Variants in BMPR1B observed in about 807,000 individuals in gnomAD.
The protein encoded by BMPR1B is bone morphogenetic protein receptor type-1B.
A neutral mutation model predicts 59.1 loss-of-function variants in BMPR1B; 12 were observed. The observed-to-expected ratio is 0.20, with a 90% CI of 0.13 to 0.33. The LOEUF is 0.33. Among genes scored for constraint, BMPR1B ranks in the 10% least tolerant of loss-of-function variants. The pLI is 1.00. For missense variants in BMPR1B, 550 were observed against 610.9 expected (o/e 0.90, Z 1.05); for synonymous variants, 237 against 207.3 (o/e 1.14, Z -1.23).
At chr4:94,915,293 C>T (rs1205526896) in intron 2 of BMPR1B, among the ~76,000 whole-genome samples, 6 of 151,994 alleles carry the variant, frequency 3.9e-5, no homozygotes, top group Non-Finnish European at 5.9e-5. Flanking sequence ...TAACTAAAAC[C>T]ACAACCTGGA....
At chr4:94,840,848 G>A (rs1324540030) in intron 1 of BMPR1B, among the ~76,000 whole-genome samples, 4 of 148,378 alleles carry the variant, frequency 2.7e-5, no homozygotes, top group African/African-American at 9.9e-5. Flanking sequence ...TCTGCTTTTT[G>A]GAGTTTCCAG....
intron 3 of BMPR1B, among the ~76,000 whole-genome samples, chr4:95,021,167 T>C (rs1723954483): frequency 6.6e-6 from 1 of 152,204 alleles, no homozygotes; most frequent in East Asian, 1.9e-4. Flanking sequence ...TTTCCCTAGG[T>C]CTAAAATATA....
intron 3 of BMPR1B, among the ~76,000 whole-genome samples, chr4:95,068,979 A>T (rs1728068387): frequency 6.6e-6 from 1 of 152,188 alleles, no homozygotes; most frequent in Non-Finnish European, 1.5e-5. Context: ...ATGGAAATAT[A>T]TTGTCTCACT....
intron 1 of BMPR1B, among the ~76,000 whole-genome samples, chr4:94,822,834 C>CA (rs1724254247): frequency 6.6e-6 from 1 of 152,128 alleles, no homozygotes; most frequent in African/African-American, 2.4e-5. Flanking sequence ...TCTGCCAAGC[C>CA]AATGGGAAGG....
chr4:95,105,676 C>T (rs1028131245), intron 4 of BMPR1B, among the ~76,000 whole-genome samples: 2 of 152,042 alleles, frequency 1.3e-5, no homozygotes, highest in Admixed American at 6.6e-5. Flanking sequence ...CTTATTCTCA[C>T]CTTTAGACAA....
At chr4:94,867,946 G>C (rs2148964337) in intron 1 of BMPR1B, among the ~76,000 whole-genome samples, 1 of 151,890 alleles carries the variant, frequency 6.6e-6, no homozygotes, top group African/African-American at 2.4e-5. Flanking sequence ...CTGGGCCCCA[G>C]GTGATTCTCC....
chr4:94,822,422 A>G (rs536553210), intron 1 of BMPR1B, among the ~76,000 whole-genome samples: 19 of 152,330 alleles, frequency 1.2e-4, no homozygotes, highest in Middle Eastern at 3.4e-3. Flanking sequence ...CACATTGGAC[A>G]TATTTCGTGA....
chr4:94,983,204 C>A (rs977020203), intron 2 of BMPR1B, among the ~76,000 whole-genome samples: 2 of 152,064 alleles, frequency 1.3e-5, no homozygotes, highest in East Asian at 3.9e-4. Context: ...TTTGTTTTCC[C>A]AAATATTATC....
chr4:95,128,669 T>C (rs1212549662), intron 8 of BMPR1B, among the ~76,000 whole-genome samples: 1 of 152,216 alleles, frequency 6.6e-6, no homozygotes, highest in African/African-American at 2.4e-5. Context: ...CTTATTAACT[T>C]TTCTCTCTAA....
chr4:95,001,493 C>T (rs1007172217), intron 3 of BMPR1B, among the ~76,000 whole-genome samples: 1 of 152,066 alleles, frequency 6.6e-6, no homozygotes, highest in Non-Finnish European at 1.5e-5. Flanking sequence ...CACATTCTGC[C>T]ACACAAACAT....
At chr4:95,017,960 G>C (rs754174249) in intron 3 of BMPR1B, among the ~76,000 whole-genome samples, 1 of 152,070 alleles carries the variant, frequency 6.6e-6, no homozygotes, top group African/African-American at 2.4e-5. Flanking sequence ...GGTTTCTGTG[G>C]GCAAAATTCC....
intron 1 of BMPR1B, among the ~76,000 whole-genome samples, chr4:94,810,351 A>G (rs553753034): frequency 1.3e-5 from 2 of 152,336 alleles, no homozygotes; most frequent in African/African-American, 2.4e-5. Context: ...TTACAACACT[A>G]TAAATATGTA....
chr4:94,877,481 C>T (rs1031728032), intron 2 of BMPR1B, among the ~76,000 whole-genome samples: 24 of 152,284 alleles, frequency 1.6e-4, no homozygotes, highest in African/African-American at 5.8e-4. Flanking sequence ...TGAAGTAAAT[C>T]GGAAAGCAGA....
chr4:95,026,805 A>C (rs1327717072), intron 3 of BMPR1B, among the ~76,000 whole-genome samples: 2 of 149,172 alleles, frequency 1.3e-5, no homozygotes, highest in African/African-American at 5.0e-5. Context: ...ACTCTTATCC[A>C]GGATGGAGTG....
Position 94,777,766 on chromosome 4 carries a change from C to T in BMPR1B, c.-183+19698C>T, listed in dbSNP as rs145745087. On this transcript the variant is annotated intron_variant, in intron 1 of 12. Transcript: ENST00000515059. ...TTTGGCCGGGCGTGGTGTCTCACGT[C>T]TGTAATCCCAGCACTTTGGGAGGCT... Among the ~76,000 whole-genome samples, 15 of 152,196 alleles carry T rather than the reference C, an allele frequency of 9.9e-5. No individual in the cohort carries two copies. In the East Asian group the frequency reaches 2.7e-3, roughly 27 times the overall value.
intron 10 of BMPR1B, among the ~76,000 whole-genome samples, chr4:95,145,521 C>T (rs1434538): frequency 0.48 from 73,010 of 151,886 alleles, 18,475 homozygotes; most frequent in Admixed American, 0.6. Context: ...ACTTCCATTC[C>T]CTTTTTCTTC....
chr4:94,938,455 A>C (rs1414652992), intron 2 of BMPR1B, among the ~76,000 whole-genome samples: 1 of 151,912 alleles, frequency 6.6e-6, no homozygotes, highest in Non-Finnish European at 1.5e-5. Context: ...AGGTTGTACC[A>C]CTGCACTCCC....
chr4:94,796,692 C>T (rs1006583938), intron 1 of BMPR1B, among the ~76,000 whole-genome samples: 17 of 152,026 alleles, frequency 1.1e-4, no homozygotes, highest in Non-Finnish European at 2.1e-4. Context: ...TGTGTGCTTT[C>T]AGTTCTTGTA....
intron 1 of BMPR1B, among the ~76,000 whole-genome samples, chr4:94,873,438 C>T (rs1275851223): frequency 9.3e-5 from 13 of 140,380 alleles, no homozygotes; most frequent in East Asian, 2.0e-4. Context: ...GACAGAGTTT[C>T]GCTCTGTCAC....
Sources: gnomAD v4.1 joint callset for allele counts (sites outside exome capture counted in the v4.1 genomes callset) on GRCh38, gnomAD v4.1.1 for gene constraint, MANE v1.5 for transcripts, NCBI Gene and HGNC (gene_info 2026-07-23, HGNC 2026-07-21) for gene names.